FOXJ2: variants seen among roughly 807,000 people sequenced by gnomAD.
FOXJ2 encodes the protein forkhead box protein J2.
Under a neutral mutation model 68.4 loss-of-function variants are expected in FOXJ2, and 18 were observed. The ratio of observed to expected loss-of-function variants is 0.26; its 90% CI spans 0.18 to 0.39. FOXJ2 has a LOEUF of 0.39. FOXJ2 is among the 10% of genes least tolerant of loss of function. The pLI is 1.00. For synonymous variants in FOXJ2, 274 were observed against 263.2 expected (o/e 1.04, Z -0.40); for missense variants, 670 against 726.5 (o/e 0.92, Z 0.89).
At chr12:8,052,560 G>A (rs981574545) in intron 10 of FOXJ2, among the ~76,000 whole-genome samples, 1 of 152,208 alleles carries the variant, frequency 6.6e-6, no homozygotes, top group African/African-American at 2.4e-5. Flanking sequence ...TTTAATTGCT[G>A]TGGAATGTAA....
At chr12:8,051,242 G>A (rs1285769244) in intron 10 of FOXJ2, among the ~76,000 whole-genome samples, 1 of 151,396 alleles carries the variant, frequency 6.6e-6, no homozygotes, top group Non-Finnish European at 1.5e-5. Flanking sequence ...TGATTCTCCT[G>A]CTTGAGCCTC....
Position 8,053,388 on chromosome 12 carries a change from G to A in FOXJ2, c.*538G>A, listed in dbSNP as rs1343994262. 6.6e-6 allele frequency: 1 copy of A among 152,594 alleles called. No homozygotes were observed. Among genetic ancestry groups the A allele is most frequent in the Non-Finnish European group, 1.5e-5 (1 of 68,052 alleles). 9.5% of individuals were successfully genotyped at this position (152,594 alleles called of 1,614,324 possible). On this transcript the variant is annotated 3_prime_UTR_variant, in exon 11 of 11. Coordinates refer to ENST00000162391, the MANE Select transcript of FOXJ2 (RefSeq NM_018416.3). The surrounding 1 kb of genome is among the most constrained non-coding windows in gnomAD (Gnocchi z 4.1). ...GCCAAGAATTTGGAGGTTTTAAAATGGTGCTAATTCTGTCCTCTGAGGTCT... is the reference window on the plus strand; with the variant it reads ...GCCAAGAATTTGGAGGTTTTAAAATAGTGCTAATTCTGTCCTCTGAGGTCT...
At position 8,055,403 on chromosome 12, in the gene FOXJ2, A is replaced by G. The variant is rs1371470876; in HGVS notation, c.*2553A>G. ...TGGTGAGTCCTTTGTGCCACCACCC[A>G]TAATGCTTTGCATTGCTGCATCCTG... is the stretch of plus-strand genomic sequence containing the variant. On this transcript the variant is annotated 3_prime_UTR_variant, in exon 11 of 11. Coordinates refer to ENST00000162391, the MANE Select transcript of FOXJ2 (RefSeq NM_018416.3). 4 of 152,612 alleles carry G rather than the reference A, an allele frequency of 2.6e-5. No homozygotes were observed. The highest frequency in any genetic ancestry group is 4.4e-5 in the Non-Finnish European group (3 of 68,042). 9.5% of individuals were successfully genotyped at this position (152,612 alleles called of 1,614,324 possible).
In FOXJ2 at chr12:8,040,534, G is replaced by C. The variant is rs779228438; in HGVS notation, c.333+369G>C. ...CCTCCCAGGTTCAAGCGATTTTCCT[G>C]CCTCAGCTTCCTGAGTAGTTGGGAT... On this transcript the variant is annotated intron_variant, in intron 2 of 10. Transcript: ENST00000162391. This position sits in a 1 kb window ranked among gnomAD's most constrained non-coding sequence, Gnocchi z 4.0. 1.3e-5 allele frequency among the ~76,000 whole-genome samples: 2 copies of C among 151,924 alleles called. No individual in the cohort carries two copies. Among genetic ancestry groups the C allele is most frequent in the South Asian group, 4.2e-4 (2 of 4,816 alleles).
intron 6 of FOXJ2, among the ~76,000 whole-genome samples, chr12:8,047,023 C>T (rs990621130): frequency 2.6e-5 from 4 of 151,978 alleles, no homozygotes; most frequent in African/African-American, 9.7e-5. Flanking sequence ...TTATTGTGAC[C>T]GAAAGCCCCT....
At chr12:8,047,030 C>T (rs916379584) in intron 6 of FOXJ2, among the ~76,000 whole-genome samples, 9 of 152,030 alleles carry the variant, frequency 5.9e-5, no homozygotes, top group Non-Finnish European at 1.3e-4. Flanking sequence ...GACCGAAAGC[C>T]CCTAGTCTCA....
chr12:8,032,847 AG>A lies in FOXJ2; in HGVS notation c.-1000del. 2.5e-6 allele frequency: 1 copy of A among 398,060 alleles called. No homozygotes were observed. Among genetic ancestry groups the A allele is most frequent in the Non-Finnish European group, 4.4e-6 (1 of 225,808 alleles). The allele number at this position is 398,060 out of a possible 1,614,324, so 24.7% of individuals were successfully genotyped here. A position where few individuals can be genotyped will look rare whatever the true frequency, so the allele number is the denominator to read the frequency against. ...GCGGGGAGCCCCACGCGCCGAAGGG[AG>A]CGGACCCGACAGGACGGCCCTAGAG... On this transcript the variant is annotated 5_prime_UTR_variant, in exon 1 of 11. Transcript: ENST00000162391. This position sits in a 1 kb window ranked among gnomAD's most constrained non-coding sequence, Gnocchi z 4.8.
Position 8,053,357 on chromosome 12 carries a change from T to A in FOXJ2, c.*507T>A, listed in dbSNP as rs952936227. 3.3e-5 allele frequency: 5 copies of A among 152,658 alleles called. No homozygotes were observed. The highest frequency in any genetic ancestry group is 1.2e-4 in the African/African-American group (5 of 41,456). The allele number at this position is 152,658 out of a possible 1,614,324, so 9.5% of individuals were successfully genotyped here. On this transcript the variant is annotated 3_prime_UTR_variant, in exon 11 of 11. Transcript: ENST00000162391. This position sits in a 1 kb window ranked among gnomAD's most constrained non-coding sequence, Gnocchi z 4.1. Reference sequence around the variant, plus strand: ...AAGTAGAAAGGGTCTGAAACATTACTTGGCAGCCAAGAATTTGGAGGTTTT... The same window carrying A: ...AAGTAGAAAGGGTCTGAAACATTACATGGCAGCCAAGAATTTGGAGGTTTT...
rs753996099 is a variant in FOXJ2 at position 8,044,795 on chromosome 12, A to T, written c.654A>T (p.Ala218=). ...CTGTGGATGGTGGAGCAGTGGCAGC[A>T]GGGGCTTCAGGCCGAGAAAGTGCTG... ...TGSVDGGAVA[A]GASGRESAEG... is the part of the protein sequence containing the mutation. Residue 218 remains alanine, a synonymous_variant, in exon 6 of 11, where the codon GCA becomes GCT. Coordinates refer to ENST00000162391, the MANE Select transcript of FOXJ2 (RefSeq NM_018416.3). 2.4e-5 allele frequency: 38 copies of T among 1,613,982 alleles called. 3 individuals are homozygous for T. The South Asian group carries it at 4.2e-4, about 18-fold the overall frequency.
intron 8 of FOXJ2, 53 bp from the exon 9 acceptor site, chr12:8,049,309 A>G (rs1947081832): frequency 1.3e-6 from 2 of 1,500,412 alleles, no homozygotes; most frequent in Non-Finnish European, 9.1e-7. Flanking sequence ...GCGGGGTCTG[A>G]TAGGGGCTTC....
rs957784512 is a variant in FOXJ2 at position 8,054,517 on chromosome 12, T to C, written c.*1667T>C. ...TTTCTTTCATCCACCCCTTTCCTTTTTTTGGAAGGGGGTTATATATGAGAG... is the reference window on the plus strand; with the variant it reads ...TTTCTTTCATCCACCCCTTTCCTTTCTTTGGAAGGGGGTTATATATGAGAG... On this transcript the variant is annotated 3_prime_UTR_variant, in exon 11 of 11. Coordinates refer to ENST00000162391, the MANE Select transcript of FOXJ2 (RefSeq NM_018416.3). 4 of 152,616 alleles carry C rather than the reference T, an allele frequency of 2.6e-5. No homozygotes were observed. Among genetic ancestry groups the C allele is most frequent in the East Asian group, 1.9e-4 (1 of 5,200 alleles). 9.5% of individuals were successfully genotyped at this position (152,616 alleles called of 1,614,324 possible). A position where few individuals can be genotyped will look rare whatever the true frequency, so the allele number is the denominator to read the frequency against.
rs748419679 is a variant in FOXJ2 at position 8,047,927 on chromosome 12, A to G, written c.863A>G (p.Tyr288Cys). 2.5e-6 allele frequency: 4 copies of G among 1,612,118 alleles called. No individual in the cohort carries two copies. The highest frequency in any genetic ancestry group is 1.3e-5 in the African/African-American group (1 of 74,870). The change falls in exon 7 of 11, where the codon TAC (tyrosine) becomes TGC (cysteine). Residue 288 changes from tyrosine (Y) to cysteine (C), a missense_variant. Tyr to Cys is a radical substitution (Grantham distance 194). This residue lies in a region of FOXJ2 where 555 missense variants were observed against 562.2 expected (regional missense o/e 0.99). Transcript: ENST00000162391. ...GACATCCCACCCTCGAACAACTACT[A>G]CATGTATCAGCAGCAGCAGCCACCG... ...LGDIPPSNNY[Y>C]MYQQQQPPPP... is the part of the protein sequence containing the mutation.
chr12:8,039,870 A>G lies in FOXJ2; in HGVS notation c.38A>G (p.Asp13Gly). 1 of 1,614,106 alleles carries G rather than the reference A, an allele frequency of 6.2e-7. No homozygotes were observed. Among genetic ancestry groups the G allele is most frequent in the East Asian group, 2.2e-5 (1 of 44,874 alleles). Residue 13 changes from aspartate (D) to glycine (G), a missense_variant, in exon 2 of 11, where the codon GAC (aspartate) becomes GGC (glycine). Asp to Gly is a moderately conservative substitution (Grantham distance 94). This residue lies in a region of FOXJ2 where 115 missense variants were observed against 164.3 expected (regional missense o/e 0.70). Coordinates refer to ENST00000162391, the MANE Select transcript of FOXJ2 (RefSeq NM_018416.3). ...SDLESSLTSI[D>G]WLPQLTLRAT... ...CTAGAGAGTAGCCTCACCTCCATAG[A>G]CTGGCTCCCCCAGCTGACCCTCCGA... is the stretch of plus-strand genomic sequence containing the variant.
chr12:8,034,653 C>T (rs1222235142), intron 1 of FOXJ2, among the ~76,000 whole-genome samples: 2 of 152,196 alleles, frequency 1.3e-5, no homozygotes, highest in African/African-American at 4.8e-5. Flanking sequence ...TGCTCCGCTT[C>T]TGTCCAGACT....
Position 8,052,985 on chromosome 12 carries a change from G to A in FOXJ2, c.*135G>A, listed in dbSNP as rs1407481215. The A allele has an allele frequency of 4.1e-4, 206 of 506,350 alleles. No homozygotes were observed. The allele number at this position is 506,350 out of a possible 1,614,324, so 31.4% of individuals were successfully genotyped here. A position where few individuals can be genotyped will look rare whatever the true frequency, so the allele number is the denominator to read the frequency against. On this transcript the variant is annotated 3_prime_UTR_variant, in exon 11 of 11. Coordinates refer to ENST00000162391, the MANE Select transcript of FOXJ2 (RefSeq NM_018416.3). ...CTCTTTTTGTTCTTTCTCTGTCAGA[G>A]AAGCCACTGCAAGATGCTGCCGAAG...
intron 6 of FOXJ2, among the ~76,000 whole-genome samples, chr12:8,047,264 A>G (rs1249571502): frequency 6.6e-6 from 1 of 152,152 alleles, no homozygotes; most frequent in Non-Finnish European, 1.5e-5. Flanking sequence ...ACCAGCCTCA[A>G]CATGGAGAAA....
Position 8,048,137 on chromosome 12 carries a change from G to A in FOXJ2, c.1073G>A (p.Gly358Glu). The A allele has an allele frequency of 6.2e-7, 1 of 1,613,818 alleles. No homozygotes were observed. The highest frequency in any genetic ancestry group is 8.5e-7 in the Non-Finnish European group (1 of 1,179,828). Reference sequence around the variant, plus strand: ...AAGCAAGCTGGGGCGGAAGGCTATGGGCCTCCCCCTGTAATGGCCATGCAT... The same window carrying A: ...AAGCAAGCTGGGGCGGAAGGCTATGAGCCTCCCCCTGTAATGGCCATGCAT... ...GGKQAGAEGY[G>E]PPPVMAMHPP... The change falls in exon 7 of 11, where the codon GGG becomes GAG. Residue 358 changes from glycine to glutamate, a missense_variant. Gly to Glu is a moderately conservative substitution (Grantham distance 98, BLOSUM62 -2). Coordinates refer to ENST00000162391, the MANE Select transcript of FOXJ2 (RefSeq NM_018416.3).
chr12:8,042,173 T>A (rs1354363482), intron 2 of FOXJ2, among the ~76,000 whole-genome samples: 1 of 152,216 alleles, frequency 6.6e-6, no homozygotes, highest in Non-Finnish European at 1.5e-5. Context: ...CCACCACGCC[T>A]GACCCCAACA....
intron 5 of FOXJ2, 26 bp from the exon 6 acceptor site, chr12:8,044,734 C>G: frequency 6.2e-7 from 1 of 1,612,552 alleles, no homozygotes; most frequent in Non-Finnish European, 8.5e-7. Flanking sequence ...GGACACTGAT[C>G]AGGAATTTCT....
Sources: gnomAD v4.1 joint callset for allele counts (sites outside exome capture counted in the v4.1 genomes callset) on GRCh38, gnomAD v4.1.1 for gene constraint, gnomAD v4.1.1 regional missense constraint, Gnocchi (gnomAD v3.1) non-coding constraint, MANE v1.5 for transcripts, NCBI Gene and HGNC (gene_info 2026-07-23, HGNC 2026-07-21) for gene names.